POU2F3: variants seen among roughly 807,000 people sequenced by gnomAD.
POU2F3 encodes POU domain, class 2, transcription factor 3.
Under a neutral mutation model 59.2 loss-of-function variants are expected in POU2F3, and 23 were observed. The observed-to-expected ratio is 0.39, with a 90% CI of 0.28 to 0.55. POU2F3 has a LOEUF of 0.55. Ranked by LOEUF, POU2F3 falls within the 20% of genes least tolerant of loss-of-function variation. The pLI is 0.66. For missense variants in POU2F3, 473 were observed against 544.5 expected, an observed-to-expected ratio of 0.87 and a Z score of 1.31; for synonymous variants, 190 against 214.6, an observed-to-expected ratio of 0.89 and a Z score of 1.00.
rs1941252031 is a variant in POU2F3 at position 120,298,410 on chromosome 11, A to G, written c.258+20A>G. 6.2e-7 allele frequency: 1 copy of G among 1,613,006 alleles called. No individual in the cohort carries two copies. Among genetic ancestry groups the G allele is most frequent in the African/African-American group, 1.3e-5 (1 of 75,022 alleles). On this transcript the variant is annotated intron_variant, in intron 4 of 12. Transcript: ENST00000543440. ...TGTCAGGTAACACTGTGATTTTCAC[A>G]GTGGGCCAGTGTGTTTAACCCAATC...
upstream of POU2F3, among the ~76,000 whole-genome samples, chr11:120,238,451 G>C (rs1938554257): frequency 6.6e-6 from 1 of 151,924 alleles, no homozygotes; most frequent in African/African-American, 2.4e-5. Context: ...AGGTGCTGGG[G>C]TGCTGGCACT....
upstream of POU2F3, among the ~76,000 whole-genome samples, chr11:120,237,369 C>G (rs1234549502): frequency 6.6e-6 from 1 of 152,094 alleles, no homozygotes; most frequent in Non-Finnish European, 1.5e-5. Context: ...CTCCACACTC[C>G]AAGTTTGGAA....
At chr11:120,237,860 G>A (rs1199187607), upstream of POU2F3, among the ~76,000 whole-genome samples, 2 of 152,234 alleles carry the variant, frequency 1.3e-5, no homozygotes, top group African/African-American at 4.8e-5. Flanking sequence ...TAGGAGGGAA[G>A]GAAGGAACAG....
intron 2 of POU2F3, among the ~76,000 whole-genome samples, chr11:120,262,481 T>C (rs942844727): frequency 2.0e-5 from 3 of 152,262 alleles, no homozygotes; most frequent in Non-Finnish European, 4.4e-5. Flanking sequence ...ACAGGCATTA[T>C]AACATTTCAG....
chr11:120,253,844 A>G (rs1939221888), intron 2 of POU2F3, among the ~76,000 whole-genome samples: 1 of 152,186 alleles, frequency 6.6e-6, no homozygotes, highest in African/African-American at 2.4e-5. Flanking sequence ...GACCCTGGGT[A>G]CATCTTCGTA....
At chr11:120,290,619 T>G (rs764070690) in intron 3 of POU2F3, among the ~76,000 whole-genome samples, 23 of 152,242 alleles carry the variant, frequency 1.5e-4, no homozygotes, top group Non-Finnish European at 2.9e-4. Flanking sequence ...TGAGCCTTGG[T>G]TCCCGTATCT....
intron 2 of POU2F3, among the ~76,000 whole-genome samples, chr11:120,249,293 A>C (rs2135135106): frequency 6.6e-6 from 1 of 152,296 alleles, no homozygotes; most frequent in South Asian, 2.1e-4. Flanking sequence ...AGATTTCTGA[A>C]CTATCAGCTT....
At chr11:120,287,044 A>T (rs886753189) in intron 3 of POU2F3, among the ~76,000 whole-genome samples, 1 of 152,108 alleles carries the variant, frequency 6.6e-6, no homozygotes, top group African/African-American at 2.4e-5. Flanking sequence ...ATACCACCTC[A>T]TCTTGACCTC....
intron 3 of POU2F3, among the ~76,000 whole-genome samples, chr11:120,283,095 C>G (rs1940638673): frequency 6.6e-6 from 1 of 152,202 alleles, no homozygotes; most frequent in Non-Finnish European, 1.5e-5. Flanking sequence ...CGAGAGCTGC[C>G]AAGCCAGAGA....
chr11:120,286,365 T>G (rs1025828950), intron 3 of POU2F3, among the ~76,000 whole-genome samples: 1 of 152,228 alleles, frequency 6.6e-6, no homozygotes. Context: ...GATCCACAAG[T>G]GTACAGCATA....
At chr11:120,275,913 A>G (rs1940298835) in intron 3 of POU2F3, among the ~76,000 whole-genome samples, 1 of 152,208 alleles carries the variant, frequency 6.6e-6, no homozygotes, top group South Asian at 2.1e-4. Context: ...CCAACCAACT[A>G]CCACGGTTCT....
chr11:120,269,780 AG>A (rs1939983811), intron 3 of POU2F3, among the ~76,000 whole-genome samples: 1 of 152,182 alleles, frequency 6.6e-6, no homozygotes, highest in Non-Finnish European at 1.5e-5. Flanking sequence ...AAGTTGAATG[AG>A]GTTAGACTTA....
Position 120,267,765 on chromosome 11 carries a change from G to C in POU2F3, c.98-1445G>C, listed in dbSNP as rs12576928. Among the ~76,000 whole-genome samples, 4 of 152,080 alleles carry C rather than the reference G, an allele frequency of 2.6e-5. No individual in the cohort carries two copies. The East Asian group carries it at 6.0e-4, about 23-fold the overall frequency. ...GGACAAAAAAAAAATGGGTGTCACT[G>C]TCCAGCTCCCAAGGAATATATAGAT... On this transcript the variant is annotated intron_variant, in intron 2 of 12. Transcript: ENST00000543440.
rs199988800 is a variant in POU2F3, at chr11:120,305,802, C to T, written c.769+17C>T. 133 of 1,612,434 alleles carry T rather than the reference C, an allele frequency of 8.2e-5. No individual in the cohort carries two copies. The African/African-American group carries it at 1.3e-3, about 16-fold the overall frequency. Reference sequence around the variant, plus strand: ...ATGATGCAGGTAGGCCTCGCAAACACGGATGCCAGGGGCCCTAGAGGGCTC... The same window carrying T: ...ATGATGCAGGTAGGCCTCGCAAACATGGATGCCAGGGGCCCTAGAGGGCTC... On this transcript the variant is annotated intron_variant, in intron 8 of 12. Transcript: ENST00000543440.
At chr11:120,298,863 CAG>C (rs1941264730) in intron 4 of POU2F3, among the ~76,000 whole-genome samples, 1 of 152,188 alleles carries the variant, frequency 6.6e-6, no homozygotes, top group Non-Finnish European at 1.5e-5. Context: ...CTCTTCTCAG[CAG>C]GGATCACCTG....
At chr11:120,275,908 C>G (rs1160773456) in intron 3 of POU2F3, among the ~76,000 whole-genome samples, 1 of 152,208 alleles carries the variant, frequency 6.6e-6, no homozygotes, top group Admixed American at 6.5e-5. Context: ...TGTGACCAAC[C>G]AACTACCACG....
chr11:120,282,438 T>A (rs1191282360), intron 3 of POU2F3, among the ~76,000 whole-genome samples: 3 of 152,218 alleles, frequency 2.0e-5, no homozygotes, highest in Non-Finnish European at 2.9e-5. Context: ...GGCGGATCAC[T>A]TGAGGCTAGG....
chr11:120,258,562 G>A (rs529464315), intron 2 of POU2F3, among the ~76,000 whole-genome samples: 36 of 152,266 alleles, frequency 2.4e-4, no homozygotes, highest in Admixed American at 1.2e-3. Flanking sequence ...GAAAAATAGC[G>A]TCTGGGTGGG....
At chr11:120,249,219 T>A (rs1938998082) in intron 2 of POU2F3, among the ~76,000 whole-genome samples, 1 of 152,202 alleles carries the variant, frequency 6.6e-6, no homozygotes, top group Non-Finnish European at 1.5e-5. Flanking sequence ...TCAGAATGTC[T>A]TTGCAGCAGC....
Sources: gnomAD v4.1 joint callset for allele counts (sites outside exome capture counted in the v4.1 genomes callset) on GRCh38, gnomAD v4.1.1 for gene constraint, MANE v1.5 for transcripts, NCBI Gene and HGNC (gene_info 2026-07-23, HGNC 2026-07-21) for gene names.